ATXN2: variants seen among roughly 807,000 people sequenced by gnomAD.
The protein encoded by ATXN2 is ataxin 2.
A neutral mutation model predicts 138.6 loss-of-function variants in ATXN2; 37 were observed. The observed-to-expected ratio is 0.27, with a 90% CI of 0.21 to 0.35. ATXN2 has a LOEUF of 0.35. ATXN2 is among the 10% of genes least tolerant of loss of function. The probability of loss-of-function intolerance (pLI) is 1.00; values close to 1 mark genes in which losing one functional copy is unlikely to be tolerated. For synonymous variants in ATXN2, 549 were observed against 543.7 expected, an observed-to-expected ratio of 1.01 and a Z score of -0.13; for missense variants, 1,216 against 1,480.3, an observed-to-expected ratio of 0.82 and a Z score of 2.93.
At chr12:111,576,085 AATAACATAACATAAC>A (rs373436951) in intron 1 of ATXN2, among the ~76,000 whole-genome samples, 11 of 123,454 alleles carry the variant, frequency 8.9e-5, no homozygotes, top group South Asian at 2.6e-4. Flanking sequence ...TCTGTCTTAA[AATAACATAACATAAC>A]ATAACATAAC....
At chr12:111,531,048 G>A (rs7314202) in intron 5 of ATXN2, among the ~76,000 whole-genome samples, 9,109 of 150,708 alleles carry the variant, frequency 0.06, 912 homozygotes, top group African/African-American at 0.21. Context: ...AACCTGGGAG[G>A]CAGAGGCTGC....
Position 111,497,666 on chromosome 12 carries a change from A to G in ATXN2, c.1936-8886T>C, listed in dbSNP as rs541402971. 3.6e-4 allele frequency among the ~76,000 whole-genome samples: 55 copies of G among 151,552 alleles called. 1 individual carries two copies. The South Asian group carries it at 0.011, about 30-fold the overall frequency. ...TTTATACTGTGTATGATATAAATAT[A>G]TATCACATGATATAAATATATAATT... is the stretch of plus-strand genomic sequence containing the variant. On this transcript the variant is annotated intron_variant, in intron 14 of 24. Transcript: ENST00000673436.
chr12:111,453,755 C>T lies in ATXN2; in HGVS notation c.3361G>A (p.Ala1121Thr), dbSNP rs1164473757. 1 of 1,613,942 alleles carries T rather than the reference C, an allele frequency of 6.2e-7. No individual in the cohort carries two copies. Among genetic ancestry groups the T allele is most frequent in the African/African-American group, 1.3e-5 (1 of 74,932 alleles). The change falls in exon 24 of 25, where the codon GCC becomes ACC. Residue 1121 changes from alanine (A) to threonine (T), a missense_variant. By Grantham distance (58) the Ala-to-Thr change is moderately conservative (BLOSUM62 0). Coordinates refer to ENST00000673436, the MANE Select transcript of ATXN2 (RefSeq NM_001372574.1). This position sits in a 1 kb window ranked among gnomAD's most constrained non-coding sequence, Gnocchi z 5.4. ...TGTAGTGCACTTTGAGCGAGGGCGG[C>T]CTGGGGACCGCCGGGTGGCTGTGTC... ...MTTQPPGGPQ[A>T]ALAQSALQPI...
At chr12:111,567,089 T>C (rs577938875) in intron 1 of ATXN2, among the ~76,000 whole-genome samples, 12 of 152,258 alleles carry the variant, frequency 7.9e-5, no homozygotes, top group African/African-American at 2.6e-4. Context: ...ATGATAAAAC[T>C]TGAATAGATG....
At chr12:111,594,600 C>T (rs2135855217) in intron 1 of ATXN2, among the ~76,000 whole-genome samples, 1 of 152,136 alleles carries the variant, frequency 6.6e-6, no homozygotes, top group Middle Eastern at 3.4e-3. Flanking sequence ...ATCCTGTATC[C>T]CAAGCAATTC....
chr12:111,542,598 C>T (rs1268534369), intron 5 of ATXN2, among the ~76,000 whole-genome samples: 1 of 152,186 alleles, frequency 6.6e-6, no homozygotes, highest in African/African-American at 2.4e-5. Context: ...CACCAAGTAG[C>T]TGGGTTTACA....
intron 1 of ATXN2, among the ~76,000 whole-genome samples, chr12:111,578,864 G>A (rs1483248510): frequency 6.6e-6 from 1 of 152,020 alleles, no homozygotes; most frequent in Non-Finnish European, 1.5e-5. Context: ...AACATAGTGA[G>A]ACCTCTTCTC....
intron 1 of ATXN2, among the ~76,000 whole-genome samples, chr12:111,585,919 T>C (rs1344837839): frequency 6.6e-6 from 1 of 152,044 alleles, no homozygotes; most frequent in Non-Finnish European, 1.5e-5. Flanking sequence ...GCTTTGTTTT[T>C]TTGAGATAAG....
chr12:111,548,790 G>C (rs1369570163), intron 5 of ATXN2, among the ~76,000 whole-genome samples: 1 of 152,124 alleles, frequency 6.6e-6, no homozygotes, highest in Non-Finnish European at 1.5e-5. Context: ...GCAGTGGCAT[G>C]ATCTCGCAAT....
chr12:111,587,686 C>T (rs1191882058), intron 1 of ATXN2, among the ~76,000 whole-genome samples: 1 of 151,976 alleles, frequency 6.6e-6, no homozygotes, highest in African/African-American at 2.4e-5. Flanking sequence ...AAAAACTGAT[C>T]ATTGGCAACA....
intron 5 of ATXN2, among the ~76,000 whole-genome samples, chr12:111,537,528 A>G (rs528188632): frequency 6.6e-6 from 1 of 151,436 alleles, no homozygotes; most frequent in Non-Finnish European, 1.5e-5. Context: ...GGATGCAGTG[A>G]GCTGCAATCA....
intron 5 of ATXN2, among the ~76,000 whole-genome samples, chr12:111,546,649 T>C (rs1404701147): frequency 6.7e-6 from 1 of 149,200 alleles, no homozygotes; most frequent in Non-Finnish European, 1.5e-5. Context: ...AGAAAGAAAA[T>C]GAAGGAAAAA....
chr12:111,502,688 C>G (rs1878855123), intron 14 of ATXN2, among the ~76,000 whole-genome samples: 1 of 152,128 alleles, frequency 6.6e-6, no homozygotes. Flanking sequence ...ACCTCAGCCT[C>G]CCAAAGTGCT....
chr12:111,453,497 C>A lies in ATXN2; in HGVS notation c.3439+180G>T, dbSNP rs1436397902. ...CATCAGAACACACACAGACTCGGCT[C>A]CCGGAAGCCTCAGGCCCTGATGCTG... On this transcript the variant is annotated intron_variant, in intron 24 of 24. Coordinates refer to ENST00000673436, the MANE Select transcript of ATXN2 (RefSeq NM_001372574.1). The surrounding 1 kb of genome is among the most constrained non-coding windows in gnomAD (Gnocchi z 5.4). 7.5e-7 allele frequency: 1 copy of A among 1,338,232 alleles called. No homozygotes were observed. Among genetic ancestry groups the A allele is most frequent in the Non-Finnish European group, 9.5e-7 (1 of 1,048,124 alleles). 82.9% of individuals were successfully genotyped at this position (1,338,232 alleles called of 1,614,324 possible).
chr12:111,579,263 T>C (rs1049960691), intron 1 of ATXN2, among the ~76,000 whole-genome samples: 1 of 149,642 alleles, frequency 6.7e-6, no homozygotes, highest in Non-Finnish European at 1.5e-5. Flanking sequence ...ATACCAGCTT[T>C]ATTTATTTAT....
chr12:111,576,140 C>CACCAA (rs139216981), intron 1 of ATXN2, among the ~76,000 whole-genome samples: 27,023 of 97,844 alleles, frequency 0.28, 6,331 homozygotes, highest in East Asian at 0.6. Context: ...CATAACATCA[C>CACCAA]ACCAAACCAA....
chr12:111,519,604 C>A (rs1880045211), intron 8 of ATXN2, among the ~76,000 whole-genome samples: 1 of 152,144 alleles, frequency 6.6e-6, no homozygotes, highest in Non-Finnish European at 1.5e-5. Context: ...GTGATTGTTA[C>A]ACGTGTCCCC....
intron 6 of ATXN2, among the ~76,000 whole-genome samples, chr12:111,523,892 GTC>G (rs1880332344): frequency 6.6e-6 from 1 of 151,512 alleles, no homozygotes; most frequent in Admixed American, 6.6e-5. Flanking sequence ...GTAAAACCCT[GTC>G]TCTGCAGAAA....
chr12:111,547,742 A>G (rs950916540), intron 5 of ATXN2, among the ~76,000 whole-genome samples: 2 of 151,336 alleles, frequency 1.3e-5, no homozygotes, highest in African/African-American at 4.8e-5. Context: ...AACAAAAAAG[A>G]AAAAAAAGGT....
Sources: gnomAD v4.1 joint callset for allele counts (sites outside exome capture counted in the v4.1 genomes callset) on GRCh38, gnomAD v4.1.1 for gene constraint, Gnocchi (gnomAD v3.1) non-coding constraint, MANE v1.5 for transcripts, NCBI Gene and HGNC (gene_info 2026-07-23, HGNC 2026-07-21) for gene names.